The following SMYD3 variants were observed in gnomAD, a reference collection of about 807,000 sequenced individuals.
The protein encoded by SMYD3 is SET and MYND domain containing 3.
In SMYD3, 36 loss-of-function variants were observed where a neutral mutation model predicts 57.7. That is an observed-to-expected ratio of 0.62 (90% CI 0.48 to 0.82). The LOEUF (loss-of-function observed/expected upper bound fraction) is 0.82, where lower values mean the gene tolerates loss of function less well. Ranked by LOEUF, SMYD3 falls within the 40% of genes least tolerant of loss-of-function variation. The probability of loss-of-function intolerance (pLI) is 0.00; values close to 1 mark genes in which losing one functional copy is unlikely to be tolerated. For missense variants in SMYD3, 515 were observed against 538.8 expected, an observed-to-expected ratio of 0.96 and a Z score of 0.44; for synonymous variants, 211 against 195.0, an observed-to-expected ratio of 1.08 and a Z score of -0.68.
chr1:246,200,395 C>T (rs919090845), intron 5 of SMYD3, among the ~76,000 whole-genome samples: 3 of 149,536 alleles, frequency 2.0e-5, no homozygotes, highest in African/African-American at 7.4e-5. Flanking sequence ...ACAGCGCAGA[C>T]GCTGAGCAAG....
chr1:246,313,855 T>C (rs74353754), intron 5 of SMYD3, among the ~76,000 whole-genome samples: 9,375 of 152,242 alleles, frequency 0.062, 414 homozygotes, highest in East Asian at 0.13. Flanking sequence ...CATGTATCTA[T>C]AGAATCATAG....
chr1:246,051,555 C>T lies in SMYD3; in HGVS notation c.532-121618G>A, dbSNP rs142633753. Reference sequence around the variant, plus strand: ...ACTAAGACTAACATGAGTCACTTTCCGTTTTCCAATCAATTTATAGATTAA... The same window carrying T: ...ACTAAGACTAACATGAGTCACTTTCTGTTTTCCAATCAATTTATAGATTAA... On this transcript the variant is annotated intron_variant, in intron 5 of 11. Coordinates refer to ENST00000490107, the MANE Select transcript of SMYD3 (RefSeq NM_001167740.2). Among the ~76,000 whole-genome samples the T allele has an allele frequency of 2.0e-4, 31 of 151,748 alleles. No homozygotes were observed. The East Asian group carries it at 5.2e-3, about 26-fold the overall frequency.
chr1:246,503,769 C>T (rs889616095), intron 1 of SMYD3, among the ~76,000 whole-genome samples: 1 of 152,056 alleles, frequency 6.6e-6, no homozygotes. Flanking sequence ...TTGAGACCAG[C>T]CTGACTAACA....
intron 5 of SMYD3, among the ~76,000 whole-genome samples, chr1:246,234,579 A>G (rs2148459265): frequency 6.6e-6 from 1 of 152,154 alleles, no homozygotes; most frequent in East Asian, 1.9e-4. Context: ...ATGAATATAT[A>G]CCGTATAGGG....
In SMYD3 at chr1:246,266,805, G is replaced by GAC. The variant is rs561201173; in HGVS notation, c.531+60395_531+60396insGT. ...ACAGAAAGAAAGAGAGAAAGAGAGAGAGAGAAGAGAAAGATAGAGAGAGAA... is the reference window on the plus strand; with the variant it reads ...ACAGAAAGAAAGAGAGAAAGAGAGAGACAGAGAAGAGAAAGATAGAGAGAGAA... On this transcript the variant is annotated intron_variant, in intron 5 of 11. Transcript: ENST00000490107. 3.7e-5 allele frequency among the ~76,000 whole-genome samples: 5 copies of GAC among 134,690 alleles called. No homozygotes were observed. The East Asian group carries it at 2.2e-3, about 60-fold the overall frequency. The allele number at this position is 134,690 out of a possible 152,430, so 88.4% of individuals were successfully genotyped here.
At chr1:246,263,324 G>A (rs1240733724) in intron 5 of SMYD3, among the ~76,000 whole-genome samples, 3 of 148,606 alleles carry the variant, frequency 2.0e-5, no homozygotes, top group African/African-American at 7.5e-5. Flanking sequence ...TTATGGTGAG[G>A]ACTAAATGAC....
intron 5 of SMYD3, among the ~76,000 whole-genome samples, chr1:246,279,249 G>A (rs1048356124): frequency 5.3e-5 from 8 of 152,156 alleles, no homozygotes; most frequent in Admixed American, 6.5e-5. Context: ...AGCCGGGCGC[G>A]GTGGCTCACA....
chr1:246,022,766 T>C (rs894088925), intron 5 of SMYD3, among the ~76,000 whole-genome samples: 1 of 152,168 alleles, frequency 6.6e-6, no homozygotes, highest in Admixed American at 6.5e-5. Flanking sequence ...ACATACCAAA[T>C]TGTTACAATA....
intron 9 of SMYD3, among the ~76,000 whole-genome samples, chr1:245,862,469 T>C (rs979658085): frequency 1.3e-5 from 2 of 151,004 alleles, no homozygotes; most frequent in Non-Finnish European, 3.0e-5. Flanking sequence ...AAAACTTGGA[T>C]ACCATTTAAA....
intron 2 of SMYD3, among the ~76,000 whole-genome samples, chr1:246,347,477 T>C (rs10754512): frequency 0.98 from 149,931 of 152,362 alleles, 73,783 homozygotes; most frequent in East Asian, 1. Flanking sequence ...TTTAGGTGTT[T>C]ATAGATACTG....
At chr1:246,459,864 C>G (rs1422048546) in intron 1 of SMYD3, among the ~76,000 whole-genome samples, 1 of 143,254 alleles carries the variant, frequency 7.0e-6, no homozygotes, top group Admixed American at 7.7e-5. Flanking sequence ...TAAACTGTCA[C>G]GTGAACTGAA....
chr1:246,081,561 T>G (rs977332976), intron 5 of SMYD3, among the ~76,000 whole-genome samples: 1 of 152,118 alleles, frequency 6.6e-6, no homozygotes, highest in Admixed American at 6.5e-5. Flanking sequence ...CCTGGCTAAT[T>G]TGTTGCATTT....
chr1:246,185,816 T>C (rs141609211), intron 5 of SMYD3, among the ~76,000 whole-genome samples: 284 of 152,330 alleles, frequency 1.9e-3, no homozygotes, highest in African/African-American at 6.5e-3. Flanking sequence ...TGGTAATTTA[T>C]GTGCACACGT....
intron 5 of SMYD3, among the ~76,000 whole-genome samples, chr1:246,228,495 T>C (rs1236179920): frequency 6.6e-6 from 1 of 152,212 alleles, no homozygotes; most frequent in African/African-American, 2.4e-5. Context: ...TGATTTCCAC[T>C]CTACTTTGTT....
At chr1:246,205,582 G>A (rs1572211092) in intron 5 of SMYD3, among the ~76,000 whole-genome samples, 1 of 152,196 alleles carries the variant, frequency 6.6e-6, no homozygotes, top group East Asian at 1.9e-4. Context: ...AGCACTTTGG[G>A]AGGCCAAGGC....
At chr1:246,007,637 C>G (rs776391132) in intron 5 of SMYD3, among the ~76,000 whole-genome samples, 10 of 144,276 alleles carry the variant, frequency 6.9e-5, no homozygotes, top group Non-Finnish European at 1.5e-4. Context: ...CGGCGAAACC[C>G]CATTCTACCA....
chr1:246,194,859 C>G (rs2062806509), intron 5 of SMYD3, among the ~76,000 whole-genome samples: 1 of 152,152 alleles, frequency 6.6e-6, no homozygotes, highest in African/African-American at 2.4e-5. Context: ...CGAAGATTTT[C>G]CACAAAAACG....
At chr1:246,397,380 T>C (rs1186341852) in intron 1 of SMYD3, among the ~76,000 whole-genome samples, 2 of 152,108 alleles carry the variant, frequency 1.3e-5, no homozygotes, top group Admixed American at 6.5e-5. Context: ...GCCAAAAAGG[T>C]TGGGACTGCT....
intron 5 of SMYD3, among the ~76,000 whole-genome samples, chr1:246,125,743 A>G (rs1351259573): frequency 2.0e-5 from 3 of 152,154 alleles, no homozygotes; most frequent in Non-Finnish European, 4.4e-5. Context: ...GATGACGATC[A>G]GAAGTGGTGA....
Sources: gnomAD v4.1 joint callset for allele counts (sites outside exome capture counted in the v4.1 genomes callset) on GRCh38, gnomAD v4.1.1 for gene constraint, MANE v1.5 for transcripts, NCBI Gene and HGNC (gene_info 2026-07-23, HGNC 2026-07-21) for gene names.